The following MME variants were observed in gnomAD, a reference collection of about 807,000 sequenced individuals.
The protein encoded by MME is membrane metalloendopeptidase, also known as neprilysin.
A neutral mutation model predicts 113.2 loss-of-function variants in MME; 98 were observed. That is an observed-to-expected ratio of 0.87 (90% CI 0.74 to 1.02). The LOEUF (loss-of-function observed/expected upper bound fraction) is 1.02, where lower values mean the gene tolerates loss of function less well. MME is among the 50% of genes least tolerant of loss of function. The probability of loss-of-function intolerance (pLI) is 0.00; values close to 1 mark genes in which losing one functional copy is unlikely to be tolerated. For missense variants in MME, 836 were observed against 896.0 expected, an observed-to-expected ratio of 0.93 and a Z score of 0.86; for synonymous variants, 292 against 300.6, an observed-to-expected ratio of 0.97 and a Z score of 0.30.
intron 22 of MME, 81 bp downstream of exon 22, chr3:155,172,693 T>A: frequency 9.5e-7 from 1 of 1,049,088 alleles, no homozygotes; most frequent in Non-Finnish European, 1.5e-6. Flanking sequence ...CTTTTCTAAC[T>A]CTGATTCTTT....
At chr3:155,169,211 A>G (rs763681017) in intron 20 of MME, among the ~76,000 whole-genome samples, 5 of 152,188 alleles carry the variant, frequency 3.3e-5, no homozygotes, top group Non-Finnish European at 5.9e-5. Context: ...GTGAAGTAGC[A>G]TTTGGGAACA....
chr3:155,156,106 G>A (rs1722288596), intron 16 of MME, among the ~76,000 whole-genome samples: 1 of 152,212 alleles, frequency 6.6e-6, no homozygotes, highest in Non-Finnish European at 1.5e-5. Flanking sequence ...TGGTCCTACT[G>A]TGCTTTTGCC....
chr3:155,110,648 T>A (rs1054015256), intron 3 of MME, among the ~76,000 whole-genome samples: 1 of 152,234 alleles, frequency 6.6e-6, no homozygotes, highest in African/African-American at 2.4e-5. Flanking sequence ...GAAGATTACT[T>A]CTCTTGTCTT....
intron 1 of MME, among the ~76,000 whole-genome samples, chr3:155,066,350 A>G (rs887782562): frequency 1.2e-4 from 18 of 152,278 alleles, no homozygotes; most frequent in African/African-American, 4.1e-4. Flanking sequence ...TGTTTTCTAT[A>G]AATAAGTAAT....
At chr3:155,165,594 C>A (rs1434670219) in intron 17 of MME, among the ~76,000 whole-genome samples, 1 of 151,966 alleles carries the variant, frequency 6.6e-6, no homozygotes, top group Non-Finnish European at 1.5e-5. Context: ...AATCTGGCTA[C>A]AGGATAGATT....
intron 8 of MME, among the ~76,000 whole-genome samples, chr3:155,135,108 T>C (rs1559941035): frequency 6.6e-6 from 1 of 152,222 alleles, no homozygotes; most frequent in Non-Finnish European, 1.5e-5. Context: ...ATGTTCATAG[T>C]TTCTTTTGCT....
At chr3:155,024,630 T>C (rs1364626295) in intron 1 of MME, among the ~76,000 whole-genome samples, 1 of 152,212 alleles carries the variant, frequency 6.6e-6, no homozygotes, top group African/African-American at 2.4e-5. Flanking sequence ...TTTTCTGCTA[T>C]ATTATAACTG....
intron 18 of MME, 53 bp downstream of exon 18, chr3:155,167,074 A>G (rs1723156666): frequency 6.3e-7 from 1 of 1,596,426 alleles, no homozygotes; most frequent in African/African-American, 1.3e-5. Flanking sequence ...CATAAATTTG[A>G]TTAAGAGTTA....
intron 1 of MME, among the ~76,000 whole-genome samples, chr3:155,064,188 C>A (rs922269869): frequency 6.6e-6 from 1 of 151,908 alleles, no homozygotes; most frequent in East Asian, 1.9e-4. Flanking sequence ...AGTCGGGAGG[C>A]TGAGACAGGA....
chr3:155,147,544 A>G (rs16824618), intron 15 of MME, among the ~76,000 whole-genome samples: 3,304 of 152,196 alleles, frequency 0.022, 66 homozygotes, highest in East Asian at 0.11. Flanking sequence ...TTCTTATCAC[A>G]TTTTACACAG....
At chr3:155,100,921 T>C (rs889112459) in intron 3 of MME, among the ~76,000 whole-genome samples, 19 of 152,314 alleles carry the variant, frequency 1.2e-4, no homozygotes, top group African/African-American at 4.1e-4. Flanking sequence ...TGGATATTTG[T>C]CCTCGCCCAA....
intron 1 of MME, among the ~76,000 whole-genome samples, chr3:155,082,316 C>T (rs564559329): frequency 3.9e-5 from 6 of 152,160 alleles, no homozygotes; most frequent in South Asian, 2.1e-4. Context: ...CTGACATATG[C>T]GGGGGGAACA....
intron 9 of MME, among the ~76,000 whole-genome samples, chr3:155,139,470 T>C (rs1019403532): frequency 2.0e-5 from 3 of 152,238 alleles, no homozygotes; most frequent in East Asian, 1.9e-4. Context: ...CTGGAGCCAT[T>C]GTCACTGAGA....
In MME at chr3:155,181,169, T is replaced by A. The variant is rs900904464; in HGVS notation, c.*710T>A. 1.3e-5 allele frequency: 2 copies of A among 152,068 alleles called. No individual in the cohort carries two copies. Among genetic ancestry groups the A allele is most frequent in the Non-Finnish European group, 2.9e-5 (2 of 67,990 alleles). The allele number at this position is 152,068 out of a possible 1,614,324, so 9.4% of individuals were successfully genotyped here. On this transcript the variant is annotated 3_prime_UTR_variant, in exon 23 of 23. Transcript: ENST00000360490. ...TTGCTCTATCTCTCAAAACTTGGTA[T>A]TTTTCAGAGATTTATATAAATGTAA...
At chr3:155,045,291 C>T (rs1423701550) in intron 1 of MME, among the ~76,000 whole-genome samples, 1 of 151,890 alleles carries the variant, frequency 6.6e-6, no homozygotes, top group South Asian at 2.1e-4. Flanking sequence ...GCTGGGACTA[C>T]AGGTGCCTGC....
rs974014751 is a variant in MME at position 155,046,847 on chromosome 3, AG to A, written c.-11+22524del. Among the ~76,000 whole-genome samples the A allele has an allele frequency of 1.6e-3, 244 of 152,364 alleles. 1 individual carries two copies. The highest frequency in any genetic ancestry group is 5.6e-3 in the African/African-American group (232 of 41,594). On this transcript the variant is annotated intron_variant, in intron 1 of 22. Transcript: ENST00000492661. ...GTAAACAGTTGTAAAAATAGAAAAAAGTTTAGAGGATAAGGTTCTAAAGAAA... is the reference window on the plus strand; with the variant it reads ...GTAAACAGTTGTAAAAATAGAAAAAATTTAGAGGATAAGGTTCTAAAGAAA...
chr3:155,057,673 A>G (rs1178000335), intron 1 of MME, among the ~76,000 whole-genome samples: 1 of 149,572 alleles, frequency 6.7e-6, no homozygotes, highest in Non-Finnish European at 1.5e-5. Flanking sequence ...CAAGCTGACC[A>G]GACACTTCTG....
chr3:155,100,596 C>T (rs2108214889), intron 3 of MME, among the ~76,000 whole-genome samples: 1 of 152,316 alleles, frequency 6.6e-6, no homozygotes, highest in East Asian at 1.9e-4. Context: ...CTATGAATTA[C>T]TCAAAGCACT....
rs895513410 is a variant in MME at position 155,080,398 on chromosome 3, T to G, written c.-79T>G. 3 of 152,322 alleles carry G rather than the reference T, an allele frequency of 2.0e-5. No homozygotes were observed. The highest frequency in any genetic ancestry group is 6.5e-5 in the Admixed American group (1 of 15,284). The allele number at this position is 152,322 out of a possible 1,614,324, so 9.4% of individuals were successfully genotyped here. On this transcript the variant is annotated 5_prime_UTR_variant, in exon 1 of 23. In the 5' UTR this introduces an upstream ATG that the reference lacks. Coordinates refer to ENST00000360490, the MANE Select transcript of MME (RefSeq NM_007289.4). ...GCTACCAGATTGCACCGGGGCTGAT[T>G]TGGGGGCTGGGAATTTGCCATTCTG...
Sources: allele counts gnomAD v4.1 joint callset (sites outside exome capture counted in the v4.1 genomes callset), GRCh38; gene constraint gnomAD v4.1.1; transcripts MANE v1.5; gene names NCBI Gene and HGNC (gene_info 2026-07-23, HGNC 2026-07-21).